RNF13: variants seen among roughly 807,000 people sequenced by gnomAD.
RNF13 encodes the protein ring finger protein 13, also known as E3 ubiquitin-protein ligase RNF13.
A neutral mutation model predicts 37.7 loss-of-function variants in RNF13; 19 were observed. The observed-to-expected ratio is 0.50, with a 90% CI of 0.35 to 0.74. The LOEUF (loss-of-function observed/expected upper bound fraction) is 0.74, where lower values mean the gene tolerates loss of function less well. RNF13 is among the 30% of genes least tolerant of loss of function. RNF13 has a pLI of 0.01. For missense variants in RNF13, 375 were observed against 453.0 expected, an observed-to-expected ratio of 0.83 and a Z score of 1.56; for synonymous variants, 144 against 157.8, an observed-to-expected ratio of 0.91 and a Z score of 0.65.
At chr3:149,913,962 A>G (rs1309223121) in intron 7 of RNF13, among the ~76,000 whole-genome samples, 1 of 152,204 alleles carries the variant, frequency 6.6e-6, no homozygotes, top group Non-Finnish European at 1.5e-5. Context: ...AGGGGAGGGC[A>G]TATCTGCATT....
At chr3:149,862,480 CATATAT>C (rs1724361688) in intron 3 of RNF13, among the ~76,000 whole-genome samples, 1 of 151,952 alleles carries the variant, frequency 6.6e-6, no homozygotes, top group South Asian at 2.1e-4. Context: ...ATAAAACATA[CATATAT>C]ATATTTTTTC....
chr3:149,949,330 C>T (rs781244685), intron 8 of RNF13, among the ~76,000 whole-genome samples: 4 of 151,792 alleles, frequency 2.6e-5, no homozygotes, highest in African/African-American at 7.3e-5. Flanking sequence ...TGATTGGCAC[C>T]GCTTTTCTTT....
intron 7 of RNF13, among the ~76,000 whole-genome samples, chr3:149,920,141 A>G (rs1434697439): frequency 6.6e-6 from 1 of 152,188 alleles, no homozygotes; most frequent in Non-Finnish European, 1.5e-5. Context: ...TATTCTGGAT[A>G]CAAATCCCTT....
At chr3:149,835,098 A>G (rs1721458913) in intron 1 of RNF13, among the ~76,000 whole-genome samples, 2 of 152,158 alleles carry the variant, frequency 1.3e-5, no homozygotes, top group African/African-American at 2.4e-5. Context: ...GCTTCACAAC[A>G]TTGGAATTGT....
intron 7 of RNF13, among the ~76,000 whole-genome samples, chr3:149,920,547 C>A (rs1718012951): frequency 6.6e-6 from 1 of 152,116 alleles, no homozygotes; most frequent in Admixed American, 6.5e-5. Context: ...TTGACATAGT[C>A]AAATTTTTCC....
intron 4 of RNF13, among the ~76,000 whole-genome samples, chr3:149,876,402 T>C (rs2925844): frequency 6.6e-6 from 1 of 152,284 alleles, no homozygotes; most frequent in Non-Finnish European, 1.5e-5. Context: ...TGAATGGAGG[T>C]ACATTTGGAT....
chr3:149,885,736 A>G (rs1260479123), intron 4 of RNF13, among the ~76,000 whole-genome samples: 1 of 152,028 alleles, frequency 6.6e-6, no homozygotes, highest in Non-Finnish European at 1.5e-5. Flanking sequence ...TTTTATCTTG[A>G]TAGGAGTCCA....
chr3:149,870,464 G>A (rs1576796193), intron 3 of RNF13, among the ~76,000 whole-genome samples: 1 of 151,648 alleles, frequency 6.6e-6, no homozygotes, highest in Non-Finnish European at 1.5e-5. Context: ...TCTATGGGGG[G>A]AGTCAAACCA....
chr3:149,917,510 T>A (rs1717662529), intron 7 of RNF13: 1 of 152,204 alleles, frequency 6.6e-6, no homozygotes, highest in Non-Finnish European at 1.5e-5. Flanking sequence ...GTTCATGGTC[T>A]TATTTCTCAA....
At chr3:149,838,314 C>G (rs1484224401) in intron 1 of RNF13, among the ~76,000 whole-genome samples, 1 of 152,188 alleles carries the variant, frequency 6.6e-6, no homozygotes, top group Non-Finnish European at 1.5e-5. Flanking sequence ...TCTCACAGCT[C>G]CACCAGGTGG....
At chr3:149,922,757 A>G (rs576247846) in intron 8 of RNF13, among the ~76,000 whole-genome samples, 1 of 152,300 alleles carries the variant, frequency 6.6e-6, no homozygotes, top group East Asian at 1.9e-4. Context: ...GGTCAGGGAC[A>G]TTAGGAATTT....
intron 1 of RNF13, among the ~76,000 whole-genome samples, chr3:149,843,884 TAACTC>T (rs1385001325): frequency 6.6e-6 from 1 of 152,256 alleles, no homozygotes; most frequent in Non-Finnish European, 1.5e-5. Flanking sequence ...TTAAGTGAGT[TAACTC>T]AATAACATGC....
At chr3:149,852,953 A>G (rs983642978) in intron 3 of RNF13, among the ~76,000 whole-genome samples, 1 of 151,874 alleles carries the variant, frequency 6.6e-6, no homozygotes, top group African/African-American at 2.4e-5. Context: ...GTAAATCTGT[A>G]TTTAACACTA....
intron 1 of RNF13, among the ~76,000 whole-genome samples, chr3:149,820,500 T>C (rs770264421): frequency 1.3e-5 from 2 of 152,238 alleles, no homozygotes; most frequent in African/African-American, 2.4e-5. Context: ...TATTTAGATG[T>C]GAAACACCTC....
At chr3:149,857,767 T>G (rs1009943821) in intron 3 of RNF13, among the ~76,000 whole-genome samples, 4 of 152,234 alleles carry the variant, frequency 2.6e-5, no homozygotes, top group African/African-American at 9.6e-5. Flanking sequence ...ATTATTATTG[T>G]ATAATGTAAC....
intron 6 of RNF13, among the ~76,000 whole-genome samples, chr3:149,903,953 G>T (rs1339717926): frequency 6.6e-6 from 1 of 151,788 alleles, no homozygotes; most frequent in African/African-American, 2.4e-5. Context: ...CTGTCTGTCT[G>T]TCTGTCTGTC....
At chr3:149,903,999 A>T (rs906726651) in intron 6 of RNF13, among the ~76,000 whole-genome samples, 3 of 151,560 alleles carry the variant, frequency 2.0e-5, no homozygotes, top group Non-Finnish European at 4.4e-5. Flanking sequence ...ACCTACCTAT[A>T]CCTATCATCT....
At chr3:149,826,719 A>C (rs1720544746) in intron 1 of RNF13, among the ~76,000 whole-genome samples, 1 of 152,204 alleles carries the variant, frequency 6.6e-6, no homozygotes, top group Non-Finnish European at 1.5e-5. Flanking sequence ...CACCATCCAG[A>C]GCTTACATGA....
intron 8 of RNF13, among the ~76,000 whole-genome samples, chr3:149,923,804 A>G (rs1327434720): frequency 2.0e-5 from 3 of 151,466 alleles, no homozygotes; most frequent in Non-Finnish European, 4.4e-5. Context: ...AAAAATGGTG[A>G]TACTGTCCTG....
Sources: allele counts gnomAD v4.1 joint callset (sites outside exome capture counted in the v4.1 genomes callset), GRCh38; gene constraint gnomAD v4.1.1; transcripts MANE v1.5; gene names NCBI Gene and HGNC (gene_info 2026-07-23, HGNC 2026-07-21).